DLG2: variants seen among roughly 807,000 people sequenced by gnomAD.
DLG2 encodes discs large MAGUK scaffold protein 2.
In DLG2, 45 loss-of-function variants were observed where a neutral mutation model predicts 132.5. That is an observed-to-expected ratio of 0.34 (90% CI 0.27 to 0.44). DLG2 has a LOEUF of 0.44. DLG2 is among the 20% of genes least tolerant of loss of function. The pLI is 1.00. For missense variants in DLG2, 1,045 were observed against 1,196.9 expected (o/e 0.87, Z 1.87); for synonymous variants, 424 against 419.6 (o/e 1.01, Z -0.13).
intron 8 of DLG2, among the ~76,000 whole-genome samples, chr11:84,190,740 G>C (rs1410175573): frequency 6.6e-6 from 1 of 152,176 alleles, no homozygotes; most frequent in African/African-American, 2.4e-5. Context: ...GAGCTAAAAG[G>C]AAAGGGTAGT....
intron 6 of DLG2, among the ~76,000 whole-genome samples, chr11:84,817,290 G>T (rs1036416596): frequency 6.6e-6 from 1 of 151,938 alleles, no homozygotes; most frequent in Non-Finnish European, 1.5e-5. Flanking sequence ...GCCAGTAAAA[G>T]ATCATGCAAA....
intron 6 of DLG2, among the ~76,000 whole-genome samples, chr11:84,883,777 T>C (rs1245349779): frequency 6.6e-6 from 1 of 152,142 alleles, no homozygotes; most frequent in Non-Finnish European, 1.5e-5. Flanking sequence ...GAGGCTTTGT[T>C]TCTTTCATTA....
intron 6 of DLG2, among the ~76,000 whole-genome samples, chr11:84,620,980 C>T (rs2099612851): frequency 6.6e-6 from 1 of 152,052 alleles, no homozygotes; most frequent in African/African-American, 2.4e-5. Context: ...TAAATATTAT[C>T]CCAGAAATAT....
intron 7 of DLG2, among the ~76,000 whole-genome samples, chr11:84,288,423 T>C (rs1307171841): frequency 2.0e-5 from 3 of 152,104 alleles, no homozygotes; most frequent in African/African-American, 7.2e-5. Context: ...TTTGATACTT[T>C]AGGCAATAAG....
intron 7 of DLG2, among the ~76,000 whole-genome samples, chr11:84,448,214 C>T (rs1242839893): frequency 6.6e-6 from 1 of 152,014 alleles, no homozygotes; most frequent in Non-Finnish European, 1.5e-5. Context: ...GGTATTCTAG[C>T]TATCTCAACA....
At chr11:85,107,909 T>C (rs1359397515) in intron 6 of DLG2, among the ~76,000 whole-genome samples, 1 of 110,758 alleles carries the variant, frequency 9.0e-6, no homozygotes, top group Non-Finnish European at 1.7e-5. Context: ...TTATAGTTAC[T>C]ACTGAAAGGA....
intron 19 of DLG2, among the ~76,000 whole-genome samples, chr11:83,591,106 A>C (rs1196837258): frequency 6.6e-6 from 1 of 151,854 alleles, no homozygotes; most frequent in East Asian, 1.9e-4. Context: ...ATTCCAATCA[A>C]TAGAAAAAGA....
chr11:84,574,584 A>T (rs896968911), intron 6 of DLG2, among the ~76,000 whole-genome samples: 3 of 152,176 alleles, frequency 2.0e-5, no homozygotes, highest in Non-Finnish European at 4.4e-5. Flanking sequence ...TGTTGTCTAT[A>T]ATGATCTTAG....
chr11:84,863,030 C>T (rs1216185261), intron 6 of DLG2, among the ~76,000 whole-genome samples: 6 of 152,004 alleles, frequency 3.9e-5, no homozygotes, highest in Non-Finnish European at 5.9e-5. Flanking sequence ...TGCTTGCTAT[C>T]CTTGTCTTCC....
intron 2 of DLG2, among the ~76,000 whole-genome samples, chr11:85,622,651 C>T (rs1008081740): frequency 1.3e-5 from 2 of 150,642 alleles, no homozygotes; most frequent in Admixed American, 6.6e-5. Context: ...AGAAATGACA[C>T]TTTTATGAAG....
intron 11 of DLG2, among the ~76,000 whole-genome samples, chr11:84,001,432 T>C (rs1041830932): frequency 6.6e-6 from 1 of 151,876 alleles, no homozygotes; most frequent in African/African-American, 2.4e-5. Context: ...CACCCAGCAC[T>C]GGATCACCCA....
chr11:85,613,169 G>C (rs919129966), intron 2 of DLG2, among the ~76,000 whole-genome samples: 4 of 152,202 alleles, frequency 2.6e-5, no homozygotes, highest in African/African-American at 9.7e-5. Context: ...CCATCTTGCT[G>C]TTACTCGCCT....
chr11:84,421,537 C>T (rs2098950804), intron 7 of DLG2, among the ~76,000 whole-genome samples: 2 of 152,146 alleles, frequency 1.3e-5, no homozygotes, highest in South Asian at 4.1e-4. Context: ...CTTGTCTGTA[C>T]TCTTGCTCAT....
At chr11:85,216,556 T>C (rs2082609731) in intron 4 of DLG2, among the ~76,000 whole-genome samples, 1 of 152,202 alleles carries the variant, frequency 6.6e-6, no homozygotes, top group Admixed American at 6.5e-5. Context: ...TTTAAAGTCC[T>C]GTAGAACTTC....
At chr11:83,861,330 A>G (rs1184882426) in intron 16 of DLG2, among the ~76,000 whole-genome samples, 1 of 152,206 alleles carries the variant, frequency 6.6e-6, no homozygotes, top group African/African-American at 2.4e-5. Context: ...ATGTTCCTCA[A>G]AAAACTAAAA....
At chr11:84,902,888 T>A (rs1402986562) in intron 6 of DLG2, among the ~76,000 whole-genome samples, 2 of 152,206 alleles carry the variant, frequency 1.3e-5, no homozygotes, top group Non-Finnish European at 2.9e-5. Context: ...CTCCCGTAAC[T>A]CACATAATAG....
intron 22 of DLG2, among the ~76,000 whole-genome samples, chr11:83,476,372 C>T (rs1001215197): frequency 2.0e-5 from 3 of 152,096 alleles, no homozygotes; most frequent in African/African-American, 7.2e-5. Context: ...TTCATTACAA[C>T]TCTTCAGGCA....
Position 84,267,160 on chromosome 11 carries a change from T to G in DLG2, c.520-15869A>C, listed in dbSNP as rs75926195. 4.3e-3 allele frequency among the ~76,000 whole-genome samples: 653 copies of G among 152,350 alleles called. 4 individuals carry two copies. The highest frequency in any genetic ancestry group is 0.015 in the African/African-American group (622 of 41,584). On this transcript the variant is annotated intron_variant, in intron 7 of 27. Transcript: ENST00000376104. ...TTTTAAACAAGGTACTTAACCCCACTAATCCTCTGAAATGTAGATAATAAC... is the reference window on the plus strand; with the variant it reads ...TTTTAAACAAGGTACTTAACCCCACGAATCCTCTGAAATGTAGATAATAAC...
rs570768893 is a variant in DLG2 at position 84,537,231 on chromosome 11, C to T, written c.358-2500G>A. 4.1e-3 allele frequency among the ~76,000 whole-genome samples: 628 copies of T among 152,160 alleles called. 2 individuals are homozygous for T. The highest frequency in any genetic ancestry group is 0.014 in the African/African-American group (592 of 41,522). On this transcript the variant is annotated intron_variant, in intron 6 of 27. Coordinates refer to ENST00000376104, the MANE Select transcript of DLG2 (RefSeq NM_001142699.3). ...GAGCAATTCTCCTGCCTCAGCCTCC[C>T]GAGTAGCTGGGACTACAGGCGGGCA...
Sources: allele counts gnomAD v4.1 joint callset (sites outside exome capture counted in the v4.1 genomes callset), GRCh38; gene constraint gnomAD v4.1.1; transcripts MANE v1.5; gene names NCBI Gene and HGNC (gene_info 2026-07-23, HGNC 2026-07-21).